Variants in LVRN observed in about 807,000 individuals in gnomAD.
LVRN encodes laeverin, also known as aminopeptidase Q.
A neutral mutation model predicts 111.4 loss-of-function variants in LVRN; 99 were observed. The ratio of observed to expected loss-of-function variants is 0.89; its 90% CI spans 0.76 to 1.05. LVRN has a LOEUF of 1.05. Among genes scored for constraint, LVRN ranks in the 50% least tolerant of loss-of-function variants. LVRN has a pLI of 0.00. For synonymous variants in LVRN, 488 were observed against 449.5 expected, an observed-to-expected ratio of 1.09 and a Z score of -1.08; for missense variants, 1,414 against 1,206.8, an observed-to-expected ratio of 1.17 and a Z score of -2.54.
At chr5:115,995,728 G>C (rs145477269) in intron 6 of LVRN, among the ~76,000 whole-genome samples, 6 of 152,310 alleles carry the variant, frequency 3.9e-5, no homozygotes, top group Admixed American at 3.9e-4. Flanking sequence ...ATCTTACTCA[G>C]TCCTCAAACC....
chr5:116,003,221 A>C lies in LVRN; in HGVS notation c.1898-20A>C, dbSNP rs1275307995. 6.4e-7 allele frequency: 1 copy of C among 1,551,340 alleles called. No individual in the cohort carries two copies. The highest frequency in any genetic ancestry group is 1.2e-5 in the South Asian group (1 of 82,944). On this transcript the variant is annotated intron_variant, in intron 11 of 19. Coordinates refer to ENST00000357872, the MANE Select transcript of LVRN (RefSeq NM_173800.5). The stretch of plus-strand genomic sequence containing the variant: ...TTTTTTAAATGTACCATTTCAAATT[A>C]TTCCCATATTCCTTTATAGAAGTAT...
At chr5:115,998,165 GT>G (rs1416758238) in intron 6 of LVRN, among the ~76,000 whole-genome samples, 20 of 152,216 alleles carry the variant, frequency 1.3e-4, no homozygotes, top group Admixed American at 4.6e-4. Flanking sequence ...GACCTGATGG[GT>G]TATTATGCAG....
At chr5:116,017,102 G>A (rs948352091) in intron 18 of LVRN, among the ~76,000 whole-genome samples, 4 of 152,174 alleles carry the variant, frequency 2.6e-5, no homozygotes, top group Non-Finnish European at 2.9e-5. Context: ...GGATGTGCAT[G>A]TGATTTGAAC....
rs114908898 is a variant in LVRN at position 116,010,697 on chromosome 5, G to A, written c.2094-44G>A. The A allele has an allele frequency of 2.0e-3, 3,107 of 1,560,118 alleles. 53 individuals carry two copies. The African/African-American group carries it at 0.035, about 17-fold the overall frequency. On this transcript the variant is annotated intron_variant, in intron 13 of 19. Coordinates refer to ENST00000357872, the MANE Select transcript of LVRN (RefSeq NM_173800.5). ...ATATCGAACGTATGCAAATTACTTA[G>A]CAAGTGAAGGTTTTTTGAGTGTGTG...
At chr5:116,024,290 A>G (rs1400075270) in intron 19 of LVRN, among the ~76,000 whole-genome samples, 1 of 152,188 alleles carries the variant, frequency 6.6e-6, no homozygotes, top group Non-Finnish European at 1.5e-5. Flanking sequence ...GTTAATAAGA[A>G]CAAGAAGAGC....
At chr5:116,023,036 C>G (rs1748787140) in intron 19 of LVRN, among the ~76,000 whole-genome samples, 1 of 152,218 alleles carries the variant, frequency 6.6e-6, no homozygotes, top group Admixed American at 6.5e-5. Flanking sequence ...TACCTTCTGT[C>G]TGGAGAACAC....
chr5:115,992,893 G>C (rs189945401), intron 5 of LVRN, among the ~76,000 whole-genome samples: 1 of 152,310 alleles, frequency 6.6e-6, no homozygotes, highest in Admixed American at 6.5e-5. Flanking sequence ...ATACAAGTCT[G>C]TTAAGAAAGA....
chr5:115,996,344 A>G (rs963073777), intron 6 of LVRN, among the ~76,000 whole-genome samples: 3 of 152,164 alleles, frequency 2.0e-5, no homozygotes, highest in African/African-American at 7.2e-5. Flanking sequence ...TTACAACGTT[A>G]GTCTCTTTTT....
At chr5:115,967,349 C>T (rs1191695533) in intron 1 of LVRN, among the ~76,000 whole-genome samples, 2 of 152,094 alleles carry the variant, frequency 1.3e-5, no homozygotes, top group African/African-American at 4.8e-5. Flanking sequence ...AATTCTTTTG[C>T]CTATGGATAT....
intron 19 of LVRN, among the ~76,000 whole-genome samples, chr5:116,024,086 T>C (rs894478794): frequency 1.2e-4 from 18 of 152,196 alleles, no homozygotes; most frequent in Non-Finnish European, 2.2e-4. Flanking sequence ...AGTGGTTTCC[T>C]GGGACAGAGA....
chr5:115,992,108 T>G lies in LVRN; in HGVS notation c.1106-15T>G, dbSNP rs1340128262. On this transcript the variant is annotated splice_polypyrimidine_tract_variant and intron_variant, in intron 4 of 19. Coordinates refer to ENST00000357872, the MANE Select transcript of LVRN (RefSeq NM_173800.5). ...AAAGATTATTTTATTTTCTCCTCCA[T>G]TTAAATCCACTTAGATATAATTGCC... 3.8e-6 allele frequency: 6 copies of G among 1,588,906 alleles called. No homozygotes were observed. Among genetic ancestry groups the G allele is most frequent in the Non-Finnish European group, 5.1e-6 (6 of 1,170,316 alleles).
At chr5:115,990,780 T>C (rs955111448) in intron 4 of LVRN, among the ~76,000 whole-genome samples, 5 of 152,100 alleles carry the variant, frequency 3.3e-5, no homozygotes, top group Non-Finnish European at 4.4e-5. Context: ...CTATGTTGGC[T>C]AGGCTGGTCT....
At chr5:115,988,002 C>A in intron 4 of LVRN, 63 bp downstream of exon 4, 1 of 1,556,720 alleles carries the variant, frequency 6.4e-7, no homozygotes, top group East Asian at 2.2e-5. Flanking sequence ...TGGTTGAGGC[C>A]TCAAGATACA....
chr5:116,010,702 T>C, intron 13 of LVRN, 39 bp from the exon 14 acceptor site: 3 of 1,565,858 alleles, frequency 1.9e-6, no homozygotes, highest in Non-Finnish European at 2.6e-6. Context: ...ACTTAGCAAG[T>C]GAAGGTTTTT....
At chr5:115,976,691 T>G (rs1436437773) in intron 1 of LVRN, among the ~76,000 whole-genome samples, 1 of 152,254 alleles carries the variant, frequency 6.6e-6, no homozygotes, top group African/African-American at 2.4e-5. Context: ...TATCTTTGAC[T>G]CCTGTGTTAT....
chr5:116,009,842 C>T (rs10044527), intron 13 of LVRN, among the ~76,000 whole-genome samples: 70,959 of 151,910 alleles, frequency 0.47, 17,021 homozygotes, highest in South Asian at 0.57. Context: ...GAAGCTATGA[C>T]CATTGCTGAA....
chr5:116,016,403 A>G (rs1417397627), intron 18 of LVRN, among the ~76,000 whole-genome samples: 2 of 152,246 alleles, frequency 1.3e-5, no homozygotes, highest in Non-Finnish European at 2.9e-5. Context: ...GTATAAAATT[A>G]TAAGTAAAAA....
Position 116,015,278 on chromosome 5 carries a change from T to C in LVRN, c.2477T>C (p.Val826Ala). 1 of 1,606,750 alleles carries C rather than the reference T, an allele frequency of 6.2e-7. No homozygotes were observed. The highest frequency in any genetic ancestry group is 8.5e-7 in the Non-Finnish European group (1 of 1,176,940). The change falls in exon 17 of 20, where the codon GTT (valine) becomes GCT (alanine). Residue 826 changes from valine (V) to alanine (A), a missense_variant. Transcript: ENST00000357872. ...ATACCTTATCCAATTAAAGATGTGGTTTTATGTTATGGCATTGCCTTGGGA... is the reference window on the plus strand; with the variant it reads ...ATACCTTATCCAATTAAAGATGTGGCTTTATGTTATGGCATTGCCTTGGGA... ...NEIPYPIKDV[V>A]LCYGIALGSD...
rs773966320 is a variant in LVRN at position 115,963,328 on chromosome 5, C to G, written c.695+16C>G. 2 of 1,553,516 alleles carry G rather than the reference C, an allele frequency of 1.3e-6. No individual in the cohort carries two copies. The highest frequency in any genetic ancestry group is 3.8e-5 in the Admixed American group (2 of 52,376). On this transcript the variant is annotated intron_variant, in intron 1 of 19. Transcript: ENST00000357872. ...GCGAGCGCAGGTAAGGGCTGTACAG[C>G]CCGGGGCCCCTCTCGGCCCCCGCCC...
Sources: allele counts gnomAD v4.1 joint callset (sites outside exome capture counted in the v4.1 genomes callset), GRCh38; gene constraint gnomAD v4.1.1; transcripts MANE v1.5; gene names NCBI Gene and HGNC (gene_info 2026-07-23, HGNC 2026-07-21).